The following MTF2 variants were observed in gnomAD, a reference collection of about 807,000 sequenced individuals.
The protein encoded by MTF2 is metal-response element-binding transcription factor 2.
In MTF2, 11 loss-of-function variants were observed where a neutral mutation model predicts 79.5. That is an observed-to-expected ratio of 0.14 (90% CI 0.09 to 0.23). The LOEUF (loss-of-function observed/expected upper bound fraction) is 0.23, where lower values mean the gene tolerates loss of function less well. MTF2 is among the 10% of genes least tolerant of loss of function. MTF2 has a pLI of 1.00. For missense variants in MTF2, 486 were observed against 711.2 expected (o/e 0.68, Z 3.60); for synonymous variants, 208 against 232.8 (o/e 0.89, Z 0.97).
chr1:93,132,646 T>G (rs1246416507), intron 11 of MTF2, among the ~76,000 whole-genome samples: 1 of 152,204 alleles, frequency 6.6e-6, no homozygotes, highest in Admixed American at 6.5e-5. Context: ...ACTTTGTCCT[T>G]CTAGTTCCCC....
chr1:93,082,405 C>T (rs114461377), intron 1 of MTF2, among the ~76,000 whole-genome samples: 182 of 151,792 alleles, frequency 1.2e-3, no homozygotes, highest in African/African-American at 3.8e-3. Context: ...CTTAGCCTGC[C>T]GAGTAGTTAG....
At position 93,129,262 on chromosome 1, in the gene MTF2, T is replaced by C. The variant is rs767451751; in HGVS notation, c.990-16T>C. On this transcript the variant is annotated splice_polypyrimidine_tract_variant and intron_variant, in intron 10 of 14. Transcript: ENST00000370298. ...TTCAGTTTTTAAAATTTTAGTTAAT[T>C]TTTTTAAAAATTTAGGTTTATGTCT... 1 of 1,517,410 alleles carries C rather than the reference T, an allele frequency of 6.6e-7. No individual in the cohort carries two copies. The highest frequency in any genetic ancestry group is 2.3e-5 in the East Asian group (1 of 43,372). The allele number at this position is 1,517,410 out of a possible 1,614,324, so 94.0% of individuals were successfully genotyped here.
chr1:93,091,949 T>A (rs1571218595), intron 1 of MTF2, among the ~76,000 whole-genome samples: 1 of 152,222 alleles, frequency 6.6e-6, no homozygotes, highest in East Asian at 1.9e-4. Flanking sequence ...AAGAAGTCCT[T>A]TTGTGAAAAA....
At chr1:93,096,303 TCTTCTCATTTTCA>T (rs1490354633) in intron 1 of MTF2, among the ~76,000 whole-genome samples, 6 of 152,112 alleles carry the variant, frequency 3.9e-5, no homozygotes, top group African/African-American at 9.7e-5. Flanking sequence ...AAAGTCCTAC[TCTTCTCATTTTCA>T]CTTCTCATTT....
chr1:93,090,436 G>A (rs1290885329), intron 1 of MTF2, among the ~76,000 whole-genome samples: 1 of 151,374 alleles, frequency 6.6e-6, no homozygotes, highest in Non-Finnish European at 1.5e-5. Flanking sequence ...TAGTAGAGAT[G>A]GGGGTTTCTC....
chr1:93,079,645 G>T lies in MTF2; in HGVS notation c.5+114G>T, dbSNP rs574670653. ...AGATGGAGGACCAAGGTGGGGGTGGGGGCTCCTGTATGTGGGTGCCTTTGC... is the reference window on the plus strand; with the variant it reads ...AGATGGAGGACCAAGGTGGGGGTGGTGGCTCCTGTATGTGGGTGCCTTTGC... On this transcript the variant is annotated intron_variant, in intron 1 of 14. Transcript: ENST00000370298. 2.1e-4 allele frequency: 291 copies of T among 1,364,388 alleles called. No homozygotes were observed. In the African/African-American group the frequency reaches 3.6e-3, roughly 17 times the overall value. The allele number at this position is 1,364,388 out of a possible 1,614,324, so 84.5% of individuals were successfully genotyped here. A position where few individuals can be genotyped will look rare whatever the true frequency, so the allele number is the denominator to read the frequency against.
intron 9 of MTF2, among the ~76,000 whole-genome samples, chr1:93,126,702 A>G (rs1156962145): frequency 2.0e-5 from 3 of 152,096 alleles, no homozygotes; most frequent in Admixed American, 6.6e-5. Context: ...GCTAAAGTCT[A>G]TAATTGTTAT....
chr1:93,121,001 CCTTTT>C (rs1188443020), intron 9 of MTF2: 7 of 1,040,922 alleles, frequency 6.7e-6, no homozygotes, highest in Non-Finnish European at 8.1e-6. Context: ...AGTTCAACCT[CCTTTT>C]CTTCTAAGTT....
chr1:93,130,181 A>AT (rs1454667905), intron 11 of MTF2, among the ~76,000 whole-genome samples: 3 of 152,186 alleles, frequency 2.0e-5, no homozygotes, highest in Non-Finnish European at 2.9e-5. Flanking sequence ...TATTGGAAAG[A>AT]TTAGGTGGGG....
At chr1:93,109,983 G>A (rs1206006993) in intron 1 of MTF2, among the ~76,000 whole-genome samples, 1 of 152,182 alleles carries the variant, frequency 6.6e-6, no homozygotes, top group Non-Finnish European at 1.5e-5. Flanking sequence ...CCTTGAATGT[G>A]TTATCTTGGA....
At chr1:93,127,678 A>G (rs1656752426) in intron 10 of MTF2, among the ~76,000 whole-genome samples, 1 of 152,192 alleles carries the variant, frequency 6.6e-6, no homozygotes, top group African/African-American at 2.4e-5. Context: ...CGGGTTTTTA[A>G]AAAGATTGAG....
intron 14 of MTF2, among the ~76,000 whole-genome samples, chr1:93,135,119 C>G (rs142697391): frequency 1.3e-5 from 2 of 152,094 alleles, no homozygotes; most frequent in East Asian, 3.9e-4. Flanking sequence ...TACAGGCGTG[C>G]GCCACCATGC....
Position 93,130,143 on chromosome 1 carries a change from TA to T in MTF2, c.1160+698del, listed in dbSNP as rs550102670. ...GAACTCACAGAAGACTGGTGTGGTA[TA>T]AATGAGGATGAGAGAGTAGCATCAG... On this transcript the variant is annotated intron_variant, in intron 11 of 14. Transcript: ENST00000370298. 5.9e-3 allele frequency among the ~76,000 whole-genome samples: 894 copies of T among 152,288 alleles called. 11 individuals are homozygous for T. The highest frequency in any genetic ancestry group is 0.021 in the African/African-American group (859 of 41,570).
intron 8 of MTF2, 115 bp from the exon 9 acceptor site, chr1:93,120,434 C>T (rs1028484378): frequency 4.5e-6 from 4 of 886,556 alleles, no homozygotes; most frequent in Non-Finnish European, 6.5e-6. Flanking sequence ...GTGAATATGA[C>T]TATCCACCTA....
chr1:93,101,603 A>G (rs1655549502), intron 1 of MTF2, among the ~76,000 whole-genome samples: 2 of 7,486 alleles, frequency 2.7e-4, no homozygotes, highest in Non-Finnish European at 3.2e-4. Flanking sequence ...TTTTTGAGAC[A>G]GGGTCTCCCT....
At chr1:93,112,072 G>A (rs1223777701) in intron 3 of MTF2, among the ~76,000 whole-genome samples, 1 of 152,144 alleles carries the variant, frequency 6.6e-6, no homozygotes. Flanking sequence ...TGTTGTGTGA[G>A]GGGTTCTATA....
At chr1:93,107,686 G>A (rs1655853827) in intron 1 of MTF2, among the ~76,000 whole-genome samples, 1 of 142,136 alleles carries the variant, frequency 7.0e-6, no homozygotes, top group Middle Eastern at 3.5e-3. Context: ...GACAATCTAC[G>A]TTTTATATTG....
intron 1 of MTF2, among the ~76,000 whole-genome samples, chr1:93,095,996 G>C (rs1386470832): frequency 1.3e-5 from 2 of 152,110 alleles, no homozygotes; most frequent in African/African-American, 2.4e-5. Context: ...TCTGTCTTTT[G>C]AGTCTTGTGT....
chr1:93,102,999 G>A (rs1655610822), intron 1 of MTF2, among the ~76,000 whole-genome samples: 1 of 152,006 alleles, frequency 6.6e-6, no homozygotes, highest in African/African-American at 2.4e-5. Context: ...GGGCATGGTG[G>A]TGGGCGCCTG....
Sources: gnomAD v4.1 joint callset for allele counts (sites outside exome capture counted in the v4.1 genomes callset) on GRCh38, gnomAD v4.1.1 for gene constraint, MANE v1.5 for transcripts, NCBI Gene and HGNC (gene_info 2026-07-23, HGNC 2026-07-21) for gene names.